The following MYO7B variants were observed in gnomAD, a reference collection of about 807,000 sequenced individuals.
MYO7B encodes the protein unconventional myosin-VIIb.
MYO7B carries 212 observed loss-of-function variants against 259.7 expected under a neutral mutation model. The ratio of observed to expected loss-of-function variants is 0.82; its 90% CI spans 0.73 to 0.91. The LOEUF is 0.91. Ranked by LOEUF, MYO7B falls within the 40% of genes least tolerant of loss-of-function variation. The probability of loss-of-function intolerance (pLI) is 0.00; values close to 1 mark genes in which losing one functional copy is unlikely to be tolerated. For synonymous variants in MYO7B, 1,197 were observed against 1,166.4 expected, an observed-to-expected ratio of 1.03 and a Z score of -0.54; for missense variants, 2,732 against 2,813.5, an observed-to-expected ratio of 0.97 and a Z score of 0.66.
chr2:127,574,592 C>CT (rs1297778113), intron 7 of MYO7B, among the ~76,000 whole-genome samples: 1 of 152,208 alleles, frequency 6.6e-6, no homozygotes, highest in African/African-American at 2.4e-5. Flanking sequence ...TTTCTTCTTT[C>CT]TTTGGTGCCT....
chr2:127,565,435 ACCT>A (rs762723826), intron 4 of MYO7B, 50 bp downstream of exon 4: 1 of 1,597,152 alleles, frequency 6.3e-7, no homozygotes, highest in Non-Finnish European at 8.6e-7. Flanking sequence ...ACAGGTGCCA[ACCT>A]CCTGGACAGG....
chr2:127,543,263 T>A (rs993261083), intron 1 of MYO7B, among the ~76,000 whole-genome samples: 2 of 152,070 alleles, frequency 1.3e-5, no homozygotes, highest in African/African-American at 4.8e-5. Context: ...GTGTATTGTG[T>A]CCCTGGGTAC....
At chr2:127,603,488 G>T (rs1219435420) in intron 19 of MYO7B, among the ~76,000 whole-genome samples, 1 of 152,190 alleles carries the variant, frequency 6.6e-6, no homozygotes, top group Non-Finnish European at 1.5e-5. Flanking sequence ...TTGTCAATGA[G>T]CAGTAATAGT....
At chr2:127,595,402 A>C (rs192996389) in intron 18 of MYO7B, among the ~76,000 whole-genome samples, 2 of 151,822 alleles carry the variant, frequency 1.3e-5, no homozygotes, top group African/African-American at 4.8e-5. Context: ...TATTTTATTA[A>C]TTTTTTCAAA....
In MYO7B at chr2:127,590,272, G is replaced by C. The variant is rs117941003; in HGVS notation, c.1992+43G>C. ...GGGCACAGCAAAGGAGGGAGGAGGA[G>C]GAGGCTGATGGCCTCTAGGGTTGTG... On this transcript the variant is annotated intron_variant, in intron 16 of 47. Coordinates refer to ENST00000409816, the MANE Select transcript of MYO7B (RefSeq NM_001393586.1). This position sits in a 1 kb window ranked among gnomAD's most constrained non-coding sequence, Gnocchi z 4.6. 1.9e-6 allele frequency: 3 copies of C among 1,611,614 alleles called. No homozygotes were observed. The highest frequency in any genetic ancestry group is 1.3e-5 in the African/African-American group (1 of 74,906).
At position 127,585,032 on chromosome 2, in the gene MYO7B, G is replaced by A. The variant is rs753454706; in HGVS notation, c.1690+119G>A. 2.3e-5 allele frequency: 30 copies of A among 1,294,004 alleles called. No homozygotes were observed. Among genetic ancestry groups the A allele is most frequent in the Non-Finnish European group, 3.2e-5 (30 of 927,038 alleles). The allele number at this position is 1,294,004 out of a possible 1,614,324, so 80.2% of individuals were successfully genotyped here. On this transcript the variant is annotated intron_variant, in intron 14 of 47. Transcript: ENST00000409816. The surrounding 1 kb of genome is among the most constrained non-coding windows in gnomAD (Gnocchi z 4.3). ...AGCTCTAGCAATGGGGCAGAGGGAT[G>A]AGTAGTATGGCTTCTACTGGAGAAA...
intron 26 of MYO7B, 83 bp downstream of exon 26, chr2:127,612,686 A>G: frequency 6.5e-7 from 1 of 1,533,572 alleles, no homozygotes; most frequent in Non-Finnish European, 8.7e-7. Context: ...AGCCTCCCCC[A>G]CCACCCCTAT....
chr2:127,580,763 C>A lies in MYO7B; in HGVS notation c.1021C>A (p.Leu341Met). The change falls in exon 10 of 48, where the codon CTG becomes ATG. Residue 341 changes from leucine (L) to methionine (M), a missense_variant. By Grantham distance (15) the Leu-to-Met change is conservative. Transcript: ENST00000409816. ...CTCTCTAGCTTCGGTCTTCGAGAAC[C>A]TGGACGCCTCAGACGTGATGGAGAC... is the stretch of plus-strand genomic sequence containing the variant. Reference protein sequence around the residue: ...VGFMASVFENLDASDVMETPA... With the variant: ...VGFMASVFENMDASDVMETPA... 6.2e-7 allele frequency: 1 copy of A among 1,613,440 alleles called. No individual in the cohort carries two copies. The highest frequency in any genetic ancestry group is 8.5e-7 in the Non-Finnish European group (1 of 1,179,722).
At chr2:127,637,211 T>G (rs1316090842) in intron 47 of MYO7B, 105 bp from the exon 48 acceptor site, 9 of 951,590 alleles carry the variant, frequency 9.5e-6, no homozygotes, top group Non-Finnish European at 1.5e-5. Flanking sequence ...CCTTTCTCCA[T>G]GCCCTGCACT....
intron 1 of MYO7B, among the ~76,000 whole-genome samples, chr2:127,549,760 T>C (rs954115649): frequency 1.3e-5 from 2 of 151,996 alleles, no homozygotes; most frequent in African/African-American, 2.4e-5. Context: ...GAGACGCTAA[T>C]TTGGGACTCA....
chr2:127,577,894 C>G lies in MYO7B; in HGVS notation c.850-239C>G, dbSNP rs542541527. Among the ~76,000 whole-genome samples the G allele has an allele frequency of 9.2e-5, 14 of 152,104 alleles. No homozygotes were observed. Among genetic ancestry groups the G allele is most frequent in the African/African-American group, 3.1e-4 (13 of 41,342 alleles). ...TAGGGACGAACGACAAATAGAGGAT[C>G]AGAGAAGAAGTGTGACTTGGCCAAG... On this transcript the variant is annotated intron_variant, in intron 8 of 47. Transcript: ENST00000409816. This position sits in a 1 kb window ranked among gnomAD's most constrained non-coding sequence, Gnocchi z 5.2.
At chr2:127,543,360 G>A (rs1019601796) in intron 1 of MYO7B, among the ~76,000 whole-genome samples, 18 of 151,882 alleles carry the variant, frequency 1.2e-4, no homozygotes, top group Non-Finnish European at 1.9e-4. Context: ...CTGCACAGCC[G>A]TAAATCCATT....
At chr2:127,616,703 GGA>G (rs1291940441) in intron 26 of MYO7B, among the ~76,000 whole-genome samples, 2 of 152,214 alleles carry the variant, frequency 1.3e-5, no homozygotes, top group Non-Finnish European at 1.5e-5. Flanking sequence ...AGGCATTCCT[GGA>G]GAGAGGGAAT....
In MYO7B at chr2:127,635,830, G is replaced by C. The variant is rs1192553238; in HGVS notation, c.5929G>C (p.Ala1977Pro). The C allele has an allele frequency of 6.3e-7, 1 of 1,585,792 alleles. No individual in the cohort carries two copies. Residue 1977 changes from alanine to proline, a missense_variant, in exon 44 of 48, where the codon GCT becomes CCT. By Grantham distance (27) the Ala-to-Pro change is conservative. Around this residue, in one of 3 missense-constraint regions of MYO7B, gnomAD observed 821 missense variants for 769.3 expected, o/e 1.07. Coordinates refer to ENST00000409816, the MANE Select transcript of MYO7B (RefSeq NM_001393586.1). ...AQFNNDRSQL[A>P]SVPKILRELV... The stretch of plus-strand genomic sequence containing the variant: ...GTTCAACAACGACCGGTCCCAGCTG[G>C]CTAGTGTCCCCAAGATCCTGAGGGA...
chr2:127,543,219 C>T (rs1338600105), intron 1 of MYO7B, among the ~76,000 whole-genome samples: 1 of 152,172 alleles, frequency 6.6e-6, no homozygotes, highest in Non-Finnish European at 1.5e-5. Flanking sequence ...TAGTACCTGG[C>T]TTTCCTAGGC....
At chr2:127,594,736 G>A (rs1229143472) in intron 18 of MYO7B, among the ~76,000 whole-genome samples, 6 of 152,098 alleles carry the variant, frequency 3.9e-5, no homozygotes, top group Non-Finnish European at 8.8e-5. Context: ...ATAATCATGT[G>A]GTTTTTGTCT....
intron 18 of MYO7B, among the ~76,000 whole-genome samples, chr2:127,593,997 C>A (rs1679670040): frequency 6.6e-6 from 1 of 152,220 alleles, no homozygotes; most frequent in Admixed American, 6.5e-5. Context: ...ACCTGGCCTC[C>A]ATCATGCTGG....
intron 10 of MYO7B, among the ~76,000 whole-genome samples, 156 bp downstream of exon 10, chr2:127,580,978 C>T (rs547279287): frequency 6.6e-6 from 1 of 152,332 alleles, no homozygotes; most frequent in South Asian, 2.1e-4. Context: ...ACTGCAGGTG[C>T]CTGAGGGTGG....
At position 127,609,766 on chromosome 2, in the gene MYO7B, G is replaced by A. The variant is rs1573688374; in HGVS notation, c.3024+51G>A. ...GGATCAGGCCAGCCCCGAGCCTGGG[G>A]TGTGAGCTATGGCTCGGGGAAAGAA... On this transcript the variant is annotated intron_variant, in intron 23 of 47. Transcript: ENST00000409816. This position sits in a 1 kb window ranked among gnomAD's most constrained non-coding sequence, Gnocchi z 6.9. The A allele has an allele frequency of 4.3e-6, 7 of 1,611,954 alleles. No individual in the cohort carries two copies. The highest frequency in any genetic ancestry group is 3.3e-5 in the Admixed American group (2 of 59,982).
Sources: allele counts gnomAD v4.1 joint callset (sites outside exome capture counted in the v4.1 genomes callset), GRCh38; gene constraint gnomAD v4.1.1; regional missense constraint gnomAD v4.1.1; non-coding constraint Gnocchi (gnomAD v3.1); transcripts MANE v1.5; gene names NCBI Gene and HGNC (gene_info 2026-07-23, HGNC 2026-07-21).